The following IQSEC1 variants were observed in gnomAD, a reference collection of about 807,000 sequenced individuals.
IQSEC1 encodes the protein IQ motif and SEC7 domain-containing protein 1.
IQSEC1 carries 31 observed loss-of-function variants against 91.0 expected under a neutral mutation model. That is an observed-to-expected ratio of 0.34 (90% CI 0.26 to 0.46). The LOEUF (loss-of-function observed/expected upper bound fraction) is 0.46, where lower values mean the gene tolerates loss of function less well. Among genes scored for constraint, IQSEC1 ranks in the 20% least tolerant of loss-of-function variants. The pLI is 1.00. For synonymous variants in IQSEC1, 699 were observed against 662.6 expected (o/e 1.05, Z -0.84); for missense variants, 1,388 against 1,575.6 (o/e 0.88, Z 2.02).
rs1694372006 is a variant in IQSEC1, at chr3:13,207,826, C to T, written c.273-43693G>A. Reference sequence around the variant, plus strand: ...GTGGTCCGGCCAGCCTTGTGTGGTCCCCATACACTGACCAGCCTTCCCTCC... The same window carrying T: ...GTGGTCCGGCCAGCCTTGTGTGGTCTCCATACACTGACCAGCCTTCCCTCC... On this transcript the variant is annotated intron_variant, in intron 1 of 15. Transcript: ENST00000648114. The surrounding 1 kb of genome is among the most constrained non-coding windows in gnomAD (Gnocchi z 4.8). Among the ~76,000 whole-genome samples, 1 of 152,186 alleles carries T rather than the reference C, an allele frequency of 6.6e-6. No individual in the cohort carries two copies. The highest frequency in any genetic ancestry group is 1.5e-5 in the Non-Finnish European group (1 of 68,038).
At chr3:13,154,929 T>C (rs1471424206) in intron 2 of IQSEC1, among the ~76,000 whole-genome samples, 1 of 151,722 alleles carries the variant, frequency 6.6e-6, no homozygotes, top group Non-Finnish European at 1.5e-5. Flanking sequence ...AATTAGAAAG[T>C]ACTTAGAGGA....
At chr3:12,953,884 A>G (rs924479585) in intron 1 of IQSEC1, among the ~76,000 whole-genome samples, 2 of 152,204 alleles carry the variant, frequency 1.3e-5, no homozygotes, top group African/African-American at 4.8e-5. Context: ...CCGCCCCTTC[A>G]CAGCATCACA....
chr3:12,909,913 G>A lies in IQSEC1; in HGVS notation c.2417-479C>T, dbSNP rs564451750. ...GTCCCTGGGGCTTTGGTCTCCTGGC[G>A]GTGCTGCTCCGGCAGTGGGAGTCAC... On this transcript the variant is annotated intron_variant, in intron 10 of 13. Transcript: ENST00000613206. The surrounding 1 kb of genome is among the most constrained non-coding windows in gnomAD (Gnocchi z 4.9). Among the ~76,000 whole-genome samples, 10 of 152,314 alleles carry A rather than the reference G, an allele frequency of 6.6e-5. No homozygotes were observed. The highest frequency in any genetic ancestry group is 4.1e-4 in the South Asian group (2 of 4,826).
chr3:13,265,882 C>T (rs56963177), intron 1 of IQSEC1, among the ~76,000 whole-genome samples: 6,826 of 122,660 alleles, frequency 0.056, 548 homozygotes, highest in African/African-American at 0.19. Flanking sequence ...TTCTGCTCTA[C>T]GGGCATTTAA....
chr3:12,937,165 T>C (rs1207674419), intron 2 of IQSEC1, among the ~76,000 whole-genome samples: 1 of 152,118 alleles, frequency 6.6e-6, no homozygotes, highest in Non-Finnish European at 1.5e-5. Flanking sequence ...ACTCCTGACC[T>C]CAGGTGATCC....
chr3:13,043,998 G>A (rs892740246), intron 1 of IQSEC1, among the ~76,000 whole-genome samples: 6 of 152,190 alleles, frequency 3.9e-5, no homozygotes, highest in African/African-American at 7.2e-5. Context: ...ACATCCAGGC[G>A]GTCGGATGGG....
chr3:13,130,484 A>C (rs1238625520), intron 2 of IQSEC1, among the ~76,000 whole-genome samples: 1 of 152,144 alleles, frequency 6.6e-6, no homozygotes, highest in African/African-American at 2.4e-5. Flanking sequence ...TATCATATAG[A>C]ATTTGGCATA....
chr3:12,972,046 A>AAAC (rs1559687627), intron 1 of IQSEC1, among the ~76,000 whole-genome samples: 5 of 130,522 alleles, frequency 3.8e-5, no homozygotes, highest in Non-Finnish European at 8.5e-5. Flanking sequence ...AACAAACAAA[A>AAAC]ACAAAAGGCC....
intron 1 of IQSEC1, chr3:13,015,701 G>T (rs1243664167): frequency 1.0e-6 from 1 of 985,254 alleles, no homozygotes; most frequent in Non-Finnish European, 1.2e-6. Context: ...CTTCCTCCCT[G>T]CTCAGTCGGC....
chr3:13,110,192 C>T (rs935604179), intron 2 of IQSEC1, among the ~76,000 whole-genome samples: 2 of 151,718 alleles, frequency 1.3e-5, no homozygotes, highest in South Asian at 2.1e-4. Context: ...GGATTAAATT[C>T]GTTTTTGTTT....
chr3:13,170,068 G>A (rs1171837375), intron 1 of IQSEC1, among the ~76,000 whole-genome samples: 2 of 152,220 alleles, frequency 1.3e-5, no homozygotes, highest in Non-Finnish European at 2.9e-5. Flanking sequence ...CAAGCCCAGA[G>A]GCCTAGGAGA....
intron 2 of IQSEC1, among the ~76,000 whole-genome samples, chr3:13,094,274 T>C (rs546789172): frequency 2.0e-5 from 3 of 152,190 alleles, no homozygotes; most frequent in South Asian, 4.2e-4. Context: ...GCATCAGGCC[T>C]TGAAGGATGA....
At position 12,935,912 on chromosome 3, in the gene IQSEC1, G is replaced by C. The variant is rs1275658107; in HGVS notation, c.1104C>G (p.Ile368Met). Residue 368 changes from isoleucine to methionine, a missense_variant, in exon 3 of 14, where the codon ATC (isoleucine) becomes ATG (methionine). By Grantham distance (10) the Ile-to-Met change is conservative. Coordinates refer to ENST00000613206, the MANE Select transcript of IQSEC1 (RefSeq NM_001134382.3). The surrounding 1 kb of genome is among the most constrained non-coding windows in gnomAD (Gnocchi z 8.0). ...LRVEHLPLLT[I>M]EPPSDSSVDL... is the part of the protein sequence containing the mutation. Reference sequence around the variant, plus strand: ...CCACAGAGCTGTCGCTGGGTGGCTCGATGGTGAGCAGCGGCAGATGCTCCA... The same window carrying C: ...CCACAGAGCTGTCGCTGGGTGGCTCCATGGTGAGCAGCGGCAGATGCTCCA... The C allele has an allele frequency of 1.2e-6, 2 of 1,601,490 alleles. No individual in the cohort carries two copies. Among genetic ancestry groups the C allele is most frequent in the Non-Finnish European group, 1.7e-6 (2 of 1,179,512 alleles).
intron 9 of IQSEC1, among the ~76,000 whole-genome samples, chr3:12,912,129 C>G (rs1256866016): frequency 6.6e-6 from 1 of 152,224 alleles, no homozygotes; most frequent in Non-Finnish European, 1.5e-5. Flanking sequence ...GAGTGTGAAG[C>G]TATGCCTGGT....
chr3:13,013,663 A>G (rs1302368242), intron 1 of IQSEC1, among the ~76,000 whole-genome samples: 1 of 152,176 alleles, frequency 6.6e-6, no homozygotes, highest in Non-Finnish European at 1.5e-5. Context: ...CCCATGACCT[A>G]TCATGCATGC....
chr3:12,935,695 C>T lies in IQSEC1; in HGVS notation c.1321G>A (p.Ala441Thr), dbSNP rs781634093. ...LDSHLAINGS[A>T]NRQSKSESDY... ...GACTCAGACTTGCTCTGCCGGTTGG[C>T]TGAGCCATTGATGGCCAAGTGGCTG... The change falls in exon 3 of 14, where the codon GCC becomes ACC. Residue 441 changes from alanine (A) to threonine (T), a missense_variant. Ala to Thr is a moderately conservative substitution (Grantham distance 58). Around this residue, in one of 2 missense-constraint regions of IQSEC1, gnomAD observed 1,059 missense variants for 1,317.8 expected, o/e 0.80. Coordinates refer to ENST00000613206, the MANE Select transcript of IQSEC1 (RefSeq NM_001134382.3). This position sits in a 1 kb window ranked among gnomAD's most constrained non-coding sequence, Gnocchi z 8.0. 1.2e-6 allele frequency: 2 copies of T among 1,613,668 alleles called. No homozygotes were observed. The highest frequency in any genetic ancestry group is 2.2e-5 in the East Asian group (1 of 44,872).
intron 1 of IQSEC1, among the ~76,000 whole-genome samples, chr3:12,957,378 A>G (rs1004350096): frequency 1.3e-5 from 2 of 152,218 alleles, no homozygotes; most frequent in Non-Finnish European, 2.9e-5. Context: ...GGAGATGACC[A>G]GAAGCTTCCA....
intron 2 of IQSEC1, among the ~76,000 whole-genome samples, chr3:13,157,270 C>T (rs1270198571): frequency 1.3e-5 from 2 of 152,206 alleles, no homozygotes; most frequent in Non-Finnish European, 1.5e-5. Context: ...TCTGCCTCAT[C>T]TTCTAAACAG....
In IQSEC1 at chr3:12,899,923, G is replaced by A. The variant is rs758713564; in HGVS notation, c.*1060C>T. ...TCTGCCGTGTATGGGTGCCCCTCTC[G>A]GAGGACTCTGAATGAGTGTGCGTCA... On this transcript the variant is annotated 3_prime_UTR_variant, in exon 14 of 14. Coordinates refer to ENST00000613206, the MANE Select transcript of IQSEC1 (RefSeq NM_001134382.3). The A allele has an allele frequency of 1.0e-4, 101 of 985,126 alleles. No individual in the cohort carries two copies. Among genetic ancestry groups the A allele is most frequent in the Admixed American group, 1.2e-4 (2 of 16,262 alleles). 61.0% of individuals were successfully genotyped at this position (985,126 alleles called of 1,614,324 possible). A position where few individuals can be genotyped will look rare whatever the true frequency, so the allele number is the denominator to read the frequency against.
Sources: gnomAD v4.1 joint callset for allele counts (sites outside exome capture counted in the v4.1 genomes callset) on GRCh38, gnomAD v4.1.1 for gene constraint, gnomAD v4.1.1 regional missense constraint, Gnocchi (gnomAD v3.1) non-coding constraint, MANE v1.5 for transcripts, NCBI Gene and HGNC (gene_info 2026-07-23, HGNC 2026-07-21) for gene names.